Variants in NRXN3 observed in about 807,000 individuals in gnomAD.
NRXN3 encodes the protein neurexin 3.
A neutral mutation model predicts 137.6 loss-of-function variants in NRXN3; 32 were observed. That is an observed-to-expected ratio of 0.23 (90% CI 0.18 to 0.31). NRXN3 has a LOEUF of 0.31. Among genes scored for constraint, NRXN3 ranks in the 10% least tolerant of loss-of-function variants. The pLI is 1.00. For synonymous variants in NRXN3, 798 were observed against 784.5 expected (o/e 1.02, Z -0.29); for missense variants, 1,574 against 2,062.5 (o/e 0.76, Z 4.59).
At chr14:78,853,003 G>A (rs902382394) in intron 10 of NRXN3, among the ~76,000 whole-genome samples, 1 of 151,662 alleles carries the variant, frequency 6.6e-6, no homozygotes, top group South Asian at 2.1e-4. Context: ...CCATATTGAT[G>A]CAAATGACAG....
chr14:79,803,913 G>GTA (rs72231822), intron 19 of NRXN3, among the ~76,000 whole-genome samples: 12,816 of 139,216 alleles, frequency 0.092, 689 homozygotes, highest in African/African-American at 0.15. Flanking sequence ...ATATATATAT[G>GTA]TATATATATA....
chr14:78,293,628 C>T (rs1411864540), intron 3 of NRXN3, among the ~76,000 whole-genome samples: 7 of 152,228 alleles, frequency 4.6e-5, no homozygotes, highest in African/African-American at 7.2e-5. Flanking sequence ...TCTGTGCCTC[C>T]GTCTCTTTCC....
intron 4 of NRXN3, among the ~76,000 whole-genome samples, chr14:78,388,764 A>G (rs1486047740): frequency 6.6e-6 from 1 of 152,154 alleles, no homozygotes; most frequent in East Asian, 1.9e-4. Flanking sequence ...TTAATCTAGA[A>G]ATAAACCCTA....
chr14:78,909,110 C>T (rs78140157), intron 10 of NRXN3, among the ~76,000 whole-genome samples: 69 of 152,216 alleles, frequency 4.5e-4, no homozygotes, highest in Admixed American at 1.0e-3. Context: ...CCAAAACCGT[C>T]GTACCTAGAT....
chr14:79,279,884 T>A (rs2080967945), intron 15 of NRXN3: 1 of 1,017,618 alleles, frequency 9.8e-7, no homozygotes, highest in Non-Finnish European at 1.2e-6. Flanking sequence ...TGCCTCCTTC[T>A]CTTCCTTCAT....
At chr14:79,412,025 A>G (rs2095423998) in intron 15 of NRXN3, among the ~76,000 whole-genome samples, 1 of 152,150 alleles carries the variant, frequency 6.6e-6, no homozygotes, top group Non-Finnish European at 1.5e-5. Context: ...GAGTAGTATA[A>G]TTGACATGGG....
chr14:79,000,142 A>C (rs536240251), intron 15 of NRXN3, among the ~76,000 whole-genome samples: 1 of 152,322 alleles, frequency 6.6e-6, no homozygotes, highest in Admixed American at 6.5e-5. Flanking sequence ...ATCTAACTTC[A>C]GGCATTATTT....
intron 3 of NRXN3, 34 bp from the exon 4 acceptor site, chr14:78,297,797 T>C (rs1337338772): frequency 6.9e-7 from 1 of 1,446,848 alleles, no homozygotes; most frequent in Admixed American, 2.0e-5. Context: ...CCTTCCCCAC[T>C]CCTCTTCCCT....
intron 15 of NRXN3, among the ~76,000 whole-genome samples, chr14:79,170,565 C>T (rs149967988): frequency 6.6e-6 from 1 of 152,188 alleles, no homozygotes; most frequent in Non-Finnish European, 1.5e-5. Context: ...AATTATTATC[C>T]ATCACTGAAT....
intron 4 of NRXN3, among the ~76,000 whole-genome samples, chr14:78,478,071 G>A (rs895038290): frequency 1.3e-5 from 2 of 152,184 alleles, no homozygotes; most frequent in Non-Finnish European, 2.9e-5. Context: ...TTTCTAACTT[G>A]AAGAATATAG....
chr14:78,677,015 C>A (rs2098015019), intron 6 of NRXN3, among the ~76,000 whole-genome samples: 1 of 152,114 alleles, frequency 6.6e-6, no homozygotes, highest in Admixed American at 6.6e-5. Context: ...TATTACTGTT[C>A]ATCGACAATG....
chr14:79,702,039 A>T (rs556715516), intron 19 of NRXN3, among the ~76,000 whole-genome samples: 11 of 151,976 alleles, frequency 7.2e-5, no homozygotes, highest in Non-Finnish European at 1.6e-4. Context: ...TACCGACAGT[A>T]GTGGCTATAG....
chr14:79,570,816 C>T (rs2153796900), intron 16 of NRXN3, among the ~76,000 whole-genome samples: 1 of 152,284 alleles, frequency 6.6e-6, no homozygotes, highest in South Asian at 2.1e-4. Context: ...GGGATCACTT[C>T]CTGGCTTGCA....
At chr14:78,838,239 G>GA (rs960633301) in intron 10 of NRXN3, among the ~76,000 whole-genome samples, 18 of 152,058 alleles carry the variant, frequency 1.2e-4, no homozygotes, top group African/African-American at 3.4e-4. Context: ...CAGTGCTTCA[G>GA]AAAATCTATC....
At chr14:79,201,331 C>G (rs1326715787) in intron 15 of NRXN3, 1 of 152,030 alleles carries the variant, frequency 6.6e-6, no homozygotes, top group East Asian at 1.9e-4. Context: ...CATACCAACT[C>G]AATTCATATT....
intron 16 of NRXN3, among the ~76,000 whole-genome samples, chr14:79,564,837 G>C (rs561404687): frequency 9.8e-4 from 149 of 152,226 alleles, no homozygotes; most frequent in Middle Eastern, 6.8e-3. Flanking sequence ...GAAAAGAGCA[G>C]AGCCAGGTTG....
At chr14:79,009,990 A>G (rs940028332) in intron 15 of NRXN3, among the ~76,000 whole-genome samples, 1 of 152,228 alleles carries the variant, frequency 6.6e-6, no homozygotes, top group African/African-American at 2.4e-5. Context: ...TAATTCAAAT[A>G]CATAGATTCC....
chr14:78,798,715 C>T (rs1403666355), intron 8 of NRXN3, among the ~76,000 whole-genome samples: 1 of 152,224 alleles, frequency 6.6e-6, no homozygotes, highest in African/African-American at 2.4e-5. Flanking sequence ...CCTAGACATC[C>T]AGGCATTTCC....
chr14:78,328,032 C>A (rs1314311627), intron 4 of NRXN3, among the ~76,000 whole-genome samples: 1 of 152,074 alleles, frequency 6.6e-6, no homozygotes, highest in Non-Finnish European at 1.5e-5. Flanking sequence ...TCCTTAAGGC[C>A]CTCTCTAAGC....
Sources: allele counts gnomAD v4.1 joint callset (sites outside exome capture counted in the v4.1 genomes callset), GRCh38; gene constraint gnomAD v4.1.1; transcripts MANE v1.5; gene names NCBI Gene and HGNC (gene_info 2026-07-23, HGNC 2026-07-21).